RASAL2: variants seen among roughly 807,000 people sequenced by gnomAD.
RASAL2 encodes the protein ras GTPase-activating protein nGAP.
A neutral mutation model predicts 128.9 loss-of-function variants in RASAL2; 58 were observed. The observed-to-expected ratio is 0.45, with a 90% confidence interval of 0.36 to 0.56. The LOEUF is 0.56. RASAL2 is among the 20% of genes least tolerant of loss of function. The pLI, the probability that RASAL2 is intolerant of heterozygous loss-of-function variation, is 0.00. For synonymous variants in RASAL2, 561 were observed against 580.8 expected (o/e 0.97, Z 0.49); for missense variants, 1,360 against 1,601.6 (o/e 0.85, Z 2.57).
chr1:178,257,449 G>A (rs1010138869), intron 1 of RASAL2, among the ~76,000 whole-genome samples: 1 of 151,958 alleles, frequency 6.6e-6, no homozygotes. Context: ...GTGTGTGTGT[G>A]TGTGTGTAGA....
At chr1:178,150,432 C>T (rs950594503) in intron 1 of RASAL2, among the ~76,000 whole-genome samples, 3 of 152,074 alleles carry the variant, frequency 2.0e-5, no homozygotes, top group African/African-American at 7.2e-5. Flanking sequence ...GTGATCCACC[C>T]GCCTTGGCCT....
chr1:178,412,561 G>A (rs575305521), intron 4 of RASAL2, among the ~76,000 whole-genome samples: 22 of 152,296 alleles, frequency 1.4e-4, no homozygotes, highest in African/African-American at 5.1e-4. Context: ...TGCCCACTCT[G>A]TGCAATCTTA....
chr1:178,283,841 A>G, intron 2 of RASAL2, 150 bp downstream of exon 2: 3 of 901,918 alleles, frequency 3.3e-6, no homozygotes, highest in Non-Finnish European at 4.9e-6. Context: ...CTAATGTCAT[A>G]AAGATATGTT....
At chr1:178,436,176 A>G (rs541019994) in intron 5 of RASAL2, among the ~76,000 whole-genome samples, 11 of 152,110 alleles carry the variant, frequency 7.2e-5, no homozygotes, top group South Asian at 2.1e-4. Context: ...CCTGTTTACT[A>G]TAATCTTGCT....
intron 1 of RASAL2, among the ~76,000 whole-genome samples, chr1:178,186,845 G>T (rs1171360095): frequency 6.6e-6 from 1 of 151,370 alleles, no homozygotes; most frequent in Non-Finnish European, 1.5e-5. Context: ...GGTTGGGCAG[G>T]CAGGGTCTCT....
chr1:178,388,772 G>C (rs3791025), intron 3 of RASAL2, among the ~76,000 whole-genome samples: 37,954 of 152,148 alleles, frequency 0.25, 7,554 homozygotes, highest in African/African-American at 0.55. Flanking sequence ...TTGGCACTAG[G>C]TGGATATACA....
At chr1:178,248,088 C>CT (rs1415414284) in intron 1 of RASAL2, among the ~76,000 whole-genome samples, 1 of 152,162 alleles carries the variant, frequency 6.6e-6, no homozygotes, top group Admixed American at 6.5e-5. Context: ...ATTAGGTCCA[C>CT]TTGGTCCAGA....
intron 4 of RASAL2, among the ~76,000 whole-genome samples, chr1:178,409,456 G>A (rs909104865): frequency 1.3e-5 from 2 of 152,096 alleles, no homozygotes; most frequent in East Asian, 1.9e-4. Flanking sequence ...ATTCCTAAGC[G>A]GTATCAAAAA....
intron 7 of RASAL2, among the ~76,000 whole-genome samples, chr1:178,442,419 A>G (rs1033263305): frequency 6.6e-6 from 1 of 152,088 alleles, no homozygotes; most frequent in Non-Finnish European, 1.5e-5. Context: ...TTACAAAATG[A>G]TATTTTCTTA....
chr1:178,142,162 G>A (rs891177100), intron 1 of RASAL2, among the ~76,000 whole-genome samples: 1 of 152,158 alleles, frequency 6.6e-6, no homozygotes, highest in Non-Finnish European at 1.5e-5. Context: ...AGCTAGCACT[G>A]TCGCCTGGAT....
At chr1:178,284,976 C>A (rs1266383578) in intron 2 of RASAL2, among the ~76,000 whole-genome samples, 1 of 151,846 alleles carries the variant, frequency 6.6e-6, no homozygotes, top group Non-Finnish European at 1.5e-5. Context: ...TTCTCTTGCT[C>A]CTCCTTCCTT....
At chr1:178,431,234 G>C (rs1218038911) in intron 5 of RASAL2, among the ~76,000 whole-genome samples, 3 of 152,028 alleles carry the variant, frequency 2.0e-5, no homozygotes, top group Non-Finnish European at 2.9e-5. Context: ...TACAAAGAGT[G>C]TTTACATATC....
chr1:178,211,417 A>C (rs745830618), intron 1 of RASAL2, among the ~76,000 whole-genome samples: 1 of 152,108 alleles, frequency 6.6e-6, no homozygotes, highest in Non-Finnish European at 1.5e-5. Flanking sequence ...TCACATTACT[A>C]GCTTATTTAA....
intron 3 of RASAL2, among the ~76,000 whole-genome samples, chr1:178,375,117 T>C (rs1043675188): frequency 2.0e-5 from 3 of 152,114 alleles, no homozygotes; most frequent in African/African-American, 4.8e-5. Flanking sequence ...TTTAAAAACA[T>C]TGAAAATTAT....
intron 5 of RASAL2, among the ~76,000 whole-genome samples, chr1:178,438,271 T>G (rs1198913983): frequency 1.3e-5 from 2 of 152,070 alleles, no homozygotes; most frequent in Non-Finnish European, 2.9e-5. Context: ...TATATCTTTT[T>G]ACTTTATAAT....
intron 1 of RASAL2, among the ~76,000 whole-genome samples, chr1:178,142,088 A>G (rs1463990406): frequency 1.3e-5 from 2 of 152,128 alleles, no homozygotes; most frequent in Non-Finnish European, 2.9e-5. Context: ...CTACGATTCT[A>G]GTTACTTTCC....
chr1:178,371,335 C>CACAA (rs1211137224), intron 3 of RASAL2, among the ~76,000 whole-genome samples: 10 of 140,100 alleles, frequency 7.1e-5, no homozygotes, highest in Middle Eastern at 3.4e-3. Flanking sequence ...CACACACACA[C>CACAA]ACACACACAC....
chr1:178,422,320 C>T (rs904269966), intron 5 of RASAL2, among the ~76,000 whole-genome samples: 1 of 151,856 alleles, frequency 6.6e-6, no homozygotes, highest in South Asian at 2.1e-4. Context: ...TTAGCCTTTC[C>T]AGTGATTGAA....
chr1:178,148,645 A>G (rs905608530), intron 1 of RASAL2, among the ~76,000 whole-genome samples: 5 of 151,904 alleles, frequency 3.3e-5, no homozygotes, highest in Non-Finnish European at 7.4e-5. Flanking sequence ...CAGGATTGCC[A>G]TGTTGCCCAG....
Sources: gnomAD v4.1 joint callset for allele counts (sites outside exome capture counted in the v4.1 genomes callset) on GRCh38, gnomAD v4.1.1 for gene constraint, MANE v1.5 for transcripts, NCBI Gene and HGNC (gene_info 2026-07-23, HGNC 2026-07-21) for gene names.